Variants in PROSER3 observed in about 807,000 individuals in gnomAD.
PROSER3 encodes the protein proline and serine rich 3.
Under a neutral mutation model 50.2 loss-of-function variants are expected in PROSER3, and 33 were observed. The observed-to-expected ratio is 0.66, with a 90% CI of 0.50 to 0.88. The LOEUF (loss-of-function observed/expected upper bound fraction) is 0.88. Ranked by LOEUF, PROSER3 falls within the 40% of genes least tolerant of loss-of-function variation. The pLI, the probability that PROSER3 is intolerant of heterozygous loss-of-function variation, is 0.00. For synonymous variants in PROSER3, 266 were observed against 259.3 expected (o/e 1.03, Z -0.25); for missense variants, 623 against 612.7 (o/e 1.02, Z -0.18).
intron 1 of PROSER3, chr19:35,759,145 G>A: frequency 2.0e-6 from 1 of 509,700 alleles, no homozygotes; most frequent in Non-Finnish European, 3.5e-6. Flanking sequence ...GAGAACCACC[G>A]GCTGTCAGTT....
chr19:35,770,196 C>A (rs570847641), downstream of PROSER3, among the ~76,000 whole-genome samples: 2 of 152,252 alleles, frequency 1.3e-5, no homozygotes, highest in South Asian at 4.1e-4. Flanking sequence ...AGCCATCATG[C>A]CTGGCAATTT....
intron 3 of PROSER3, 101 bp downstream of exon 3, chr19:35,760,092 T>C: frequency 8.0e-7 from 1 of 1,256,036 alleles, no homozygotes; most frequent in Non-Finnish European, 1.1e-6. Context: ...TCTGCAGCAC[T>C]CTTTTAGGAC....
intron 3 of PROSER3, among the ~76,000 whole-genome samples, chr19:35,760,256 T>C (rs1174800179): frequency 6.6e-6 from 1 of 152,142 alleles, no homozygotes; most frequent in African/African-American, 2.4e-5. Flanking sequence ...CTCGCTCTGT[T>C]ACTCAGGCTG....
In PROSER3 at chr19:35,760,427, A is replaced by C. The variant is rs150089468; in HGVS notation, c.311+436A>C. Reference sequence around the variant, plus strand: ...AAAAAGTGCTGTGATTACAGGCCAGACGTACCATGCCCAGCCTCAGTTTAT... The same window carrying C: ...AAAAAGTGCTGTGATTACAGGCCAGCCGTACCATGCCCAGCCTCAGTTTAT... On this transcript the variant is annotated intron_variant, in intron 3 of 10. Transcript: ENST00000396908. Among the ~76,000 whole-genome samples, 636 of 152,244 alleles carry C rather than the reference A, an allele frequency of 4.2e-3. 9 individuals are homozygous for C. The highest frequency in any genetic ancestry group is 0.033 in the Admixed American group (511 of 15,278).
intron 2 of PROSER3, 152 bp from the exon 3 acceptor site, chr19:35,759,636 TC>T: frequency 1.0e-6 from 1 of 978,268 alleles, no homozygotes; most frequent in Non-Finnish European, 1.5e-6. Context: ...CCACCTGGAT[TC>T]CCCATCTGAG....
chr19:35,767,680 G>A, intron 8 of PROSER3: 1 of 1,255,390 alleles, frequency 8.0e-7, no homozygotes, highest in East Asian at 2.5e-5. Context: ...CTGACAGCCT[G>A]GAGGACACGC....
exon 1 of PROSER3, chr19:35,758,211 G>C: frequency 6.4e-7 from 1 of 1,561,978 alleles, no homozygotes; most frequent in Non-Finnish European, 8.7e-7. Flanking sequence ...GGAGGGAGCC[G>C]CGGGATGGAC....
intron 5 of PROSER3, 110 bp from the exon 6 acceptor site, chr19:35,764,744 C>T (rs1971079378): frequency 1.3e-5 from 12 of 930,028 alleles, no homozygotes; most frequent in Non-Finnish European, 2.0e-5. Flanking sequence ...CCTAAGCTGG[C>T]ATGTGAGGTT....
At chr19:35,767,823 A>C in exon 9 of PROSER3, 1 of 1,613,244 alleles carries the variant, frequency 6.2e-7, no homozygotes. Flanking sequence ...CTGAAAGCCA[A>C]GGCCTTGCCG....
chr19:35,759,745 T>G (rs7254581), intron 2 of PROSER3, 44 bp from the exon 3 acceptor site: 482 of 1,505,296 alleles, frequency 3.2e-4, no homozygotes, highest in Middle Eastern at 5.1e-4. Context: ...GGATGACCCA[T>G]GAGACCTCAC....
chr19:35,758,555 C>T, intron 1 of PROSER3: 1 of 332,990 alleles, frequency 3.0e-6, no homozygotes. Context: ...AACTTTCTCG[C>T]GGAGGCGGAG....
exon 2 of PROSER3, chr19:35,759,400 G>A (rs765934572): frequency 1.9e-6 from 3 of 1,613,686 alleles, no homozygotes; most frequent in Non-Finnish European, 1.7e-6. Context: ...ATTCAAGATA[G>A]TCCCTTTGGA....
chr19:35,759,152 A>T, intron 1 of PROSER3: 2 of 522,058 alleles, frequency 3.8e-6, no homozygotes, highest in Non-Finnish European at 3.4e-6. Context: ...ACCGGCTGTC[A>T]GTTCCTGAGT....
At chr19:35,759,156 C>G in intron 1 of PROSER3, 1 of 532,482 alleles carries the variant, frequency 1.9e-6, no homozygotes, top group Admixed American at 3.5e-5. Context: ...GCTGTCAGTT[C>G]CTGAGTTGCT....
chr19:35,768,317 C>T (rs565571859), intron 10 of PROSER3, 81 bp downstream of exon 10: 3 of 1,579,704 alleles, frequency 1.9e-6, no homozygotes, highest in East Asian at 2.3e-5. Context: ...CAGCCCTCCT[C>T]ATCCCCTGTC....
At chr19:35,763,352 C>T (rs1443824976) in intron 5 of PROSER3, among the ~76,000 whole-genome samples, 1 of 151,802 alleles carries the variant, frequency 6.6e-6, no homozygotes, top group Non-Finnish European at 1.5e-5. Flanking sequence ...CAGGTGCATG[C>T]CACCACACCC....
At chr19:35,760,593 C>T (rs1970925704) in intron 3 of PROSER3, among the ~76,000 whole-genome samples, 2 of 152,168 alleles carry the variant, frequency 1.3e-5, no homozygotes, top group Admixed American at 1.3e-4. Context: ...TCAAGTGATT[C>T]TCCTGCCTCA....
chr19:35,767,818 A>C, exon 9 of PROSER3: 1 of 1,613,050 alleles, frequency 6.2e-7, no homozygotes, highest in East Asian at 2.2e-5. Context: ...AGTCTCTGAA[A>C]GCCAAGGCCT....
chr19:35,767,995 G>A (rs772441899), exon 9 of PROSER3: 17 of 1,571,444 alleles, frequency 1.1e-5, no homozygotes, highest in Non-Finnish European at 1.2e-5. Context: ...CCCCGCCCCC[G>A]CCCGCTGCTG....
Sources: allele counts gnomAD v4.1 joint callset (sites outside exome capture counted in the v4.1 genomes callset), GRCh38; gene constraint gnomAD v4.1.1; transcripts MANE v1.5; gene names NCBI Gene and HGNC (gene_info 2026-07-23, HGNC 2026-07-21).